ARRDC1: variants seen among roughly 807,000 people sequenced by gnomAD.
ARRDC1 encodes the protein arrestin domain-containing protein 1.
A neutral mutation model predicts 40.1 loss-of-function variants in ARRDC1; 37 were observed. That is an observed-to-expected ratio of 0.92 (90% CI 0.71 to 1.21). The LOEUF (loss-of-function observed/expected upper bound fraction) is 1.21, where lower values mean the gene tolerates loss of function less well. Ranked by LOEUF, ARRDC1 falls within the 50% of genes most tolerant of loss-of-function variation. ARRDC1 has a pLI of 0.00. For synonymous variants in ARRDC1, 310 were observed against 262.5 expected, an observed-to-expected ratio of 1.18 and a Z score of -1.75; for missense variants, 641 against 581.9, an observed-to-expected ratio of 1.10 and a Z score of -1.04.
intron 1 of ARRDC1, among the ~76,000 whole-genome samples, chr9:137,608,153 G>A (rs1564498871): frequency 1.3e-5 from 2 of 151,890 alleles, no homozygotes; most frequent in Admixed American, 6.6e-5. Context: ...CGGCTAATTT[G>A]TGTATTTTTA....
At chr9:137,613,950 C>T (rs1842596580) in intron 4 of ARRDC1, 82 bp from the exon 5 acceptor site, 1 of 1,571,236 alleles carries the variant, frequency 6.4e-7, no homozygotes, top group African/African-American at 1.3e-5. Flanking sequence ...CAGGGCGTGG[C>T]AGGGCTGAGG....
chr9:137,615,271 C>A lies in ARRDC1; in HGVS notation c.*133C>A. Reference sequence around the variant, plus strand: ...AGCCTCTGCCAGCTCCTCTGGCATCCGCCCTCTTCTCCCTGGGGCTGGGGT... The same window carrying A: ...AGCCTCTGCCAGCTCCTCTGGCATCAGCCCTCTTCTCCCTGGGGCTGGGGT... On this transcript the variant is annotated 3_prime_UTR_variant, in exon 8 of 8. Transcript: ENST00000371421. The A allele has an allele frequency of 1.2e-6, 1 of 852,832 alleles. No homozygotes were observed. The highest frequency in any genetic ancestry group is 1.7e-6 in the Non-Finnish European group (1 of 590,206). The allele number at this position is 852,832 out of a possible 1,614,324, so 52.8% of individuals were successfully genotyped here.
chr9:137,610,250 G>C (rs1202718759), intron 1 of ARRDC1, among the ~76,000 whole-genome samples: 1 of 152,192 alleles, frequency 6.6e-6, no homozygotes, highest in Non-Finnish European at 1.5e-5. Context: ...ACAGCGTTGT[G>C]GGTTAGGAAT....
intron 5 of ARRDC1, 39 bp from the exon 6 acceptor site, chr9:137,614,260 T>A (rs1257927325): frequency 6.3e-7 from 1 of 1,576,778 alleles, no homozygotes; most frequent in South Asian, 1.2e-5. Context: ...TGGGGTGGGC[T>A]GGCAGCCTGC....
chr9:137,611,160 G>A (rs1842509075), intron 1 of ARRDC1, among the ~76,000 whole-genome samples: 1 of 152,214 alleles, frequency 6.6e-6, no homozygotes, highest in Non-Finnish European at 1.5e-5. Flanking sequence ...GCTGTCTGCT[G>A]GTCCACAGGA....
chr9:137,610,505 C>T (rs902803456), intron 1 of ARRDC1, among the ~76,000 whole-genome samples: 7 of 152,202 alleles, frequency 4.6e-5, no homozygotes, highest in South Asian at 2.1e-4. Flanking sequence ...AAGTGATCCT[C>T]ATGCCTCAGC....
chr9:137,605,896 A>C (rs112163118), intron 1 of ARRDC1, 61 bp downstream of exon 1: 1 of 1,069,706 alleles, frequency 9.3e-7, no homozygotes, highest in Non-Finnish European at 1.2e-6. Flanking sequence ...GGGCTCCCGG[A>C]AGCGGCTGCC....
At position 137,614,338 on chromosome 9, in the gene ARRDC1, C is replaced by T. The variant is rs778750966; in HGVS notation, c.658C>T (p.Arg220Trp). 19 of 1,611,526 alleles carry T rather than the reference C, an allele frequency of 1.2e-5. No individual in the cohort carries two copies. Among genetic ancestry groups the T allele is most frequent in the Non-Finnish European group, 1.5e-5 (18 of 1,178,896 alleles). ...GGCCAAGCGCTGGATCCACGACGTA[C>T]GGACCATTGCGGAGGTGGAGGGTGC... The part of the protein sequence containing the change: ...YKAKRWIHDV[R>W]TIAEVEGAGV... The change falls in exon 6 of 8, where the codon CGG becomes TGG. Residue 220 changes from arginine to tryptophan, a missense_variant. Coordinates refer to ENST00000371421, the MANE Select transcript of ARRDC1 (RefSeq NM_152285.4).
intron 1 of ARRDC1, 36 bp from the exon 2 acceptor site, chr9:137,612,860 G>C (rs34684039): frequency 3.9e-6 from 6 of 1,551,692 alleles, no homozygotes; most frequent in Non-Finnish European, 4.4e-6. Flanking sequence ...CTGGGCCGTC[G>C]GCTGGCTGGG....
Position 137,606,273 on chromosome 9 carries a change from G to A in ARRDC1, c.118+438G>A, listed in dbSNP as rs576765861. 5.3e-3 allele frequency among the ~76,000 whole-genome samples: 811 copies of A among 152,214 alleles called. 10 individuals are homozygous for A. The highest frequency in any genetic ancestry group is 0.018 in the African/African-American group (767 of 41,562). Reference sequence around the variant, plus strand: ...CGGCTCCCTGCGCCCCCTGCCACCCGCCAGCAGGCCTCGCCGGCCCCCCGC... The same window carrying A: ...CGGCTCCCTGCGCCCCCTGCCACCCACCAGCAGGCCTCGCCGGCCCCCCGC... On this transcript the variant is annotated intron_variant, in intron 1 of 7. Coordinates refer to ENST00000371421, the MANE Select transcript of ARRDC1 (RefSeq NM_152285.4).
In ARRDC1 at chr9:137,613,796, G is replaced by A. The variant is rs760722271; in HGVS notation, c.435+27G>A. 3.7e-6 allele frequency: 6 copies of A among 1,612,872 alleles called. No homozygotes were observed. The South Asian group carries it at 6.6e-5, about 18-fold the overall frequency. On this transcript the variant is annotated intron_variant, in intron 4 of 7. Transcript: ENST00000371421. ...TGAGGATGGCACAGTGACCTCCTTGGTGGGTCCCCACCCTCATGGAGGCTG... is the reference window on the plus strand; with the variant it reads ...TGAGGATGGCACAGTGACCTCCTTGATGGGTCCCCACCCTCATGGAGGCTG...
intron 3 of ARRDC1, 44 bp from the exon 4 acceptor site, chr9:137,613,571 C>T: frequency 6.2e-7 from 1 of 1,614,084 alleles, no homozygotes. Flanking sequence ...GTGGGCTCTG[C>T]AGGGTGGAAG....
rs981167883 is a variant in ARRDC1 at position 137,614,349 on chromosome 9, G to A, written c.669G>A (p.Ala223=). Reference sequence around the variant, plus strand: ...GGATCCACGACGTACGGACCATTGCGGAGGTGGAGGGTGCGGGCGTCAAGG... The same window carrying A: ...GGATCCACGACGTACGGACCATTGCAGAGGTGGAGGGTGCGGGCGTCAAGG... ...KRWIHDVRTI[A]EVEGAGVKAW... The change falls in exon 6 of 8, where the codon GCG becomes GCA. Residue 223 remains alanine (A), a synonymous_variant. Coordinates refer to ENST00000371421, the MANE Select transcript of ARRDC1 (RefSeq NM_152285.4). 25 of 1,612,578 alleles carry A rather than the reference G, an allele frequency of 1.6e-5. No homozygotes were observed. Among genetic ancestry groups the A allele is most frequent in the African/African-American group, 6.7e-5 (5 of 74,914 alleles).
chr9:137,605,885 A>G (rs1351259173), intron 1 of ARRDC1, 50 bp downstream of exon 1: 40 of 1,126,004 alleles, frequency 3.6e-5, no homozygotes, highest in Non-Finnish European at 4.5e-5. Flanking sequence ...GCGCGGGGCC[A>G]GGGCTCCCGG....
intron 1 of ARRDC1, among the ~76,000 whole-genome samples, chr9:137,607,456 C>T (rs543245893): frequency 2.4e-4 from 37 of 152,318 alleles, no homozygotes; most frequent in African/African-American, 6.7e-4. Context: ...AAAGGGCTGA[C>T]GCGGAGGGAG....
chr9:137,615,099 C>G lies in ARRDC1; in HGVS notation c.1263C>G (p.Ser421Arg), dbSNP rs374533199. The change falls in exon 8 of 8, where the codon AGC becomes AGG. Residue 421 changes from serine (S) to arginine (R), a missense_variant. Transcript: ENST00000371421. Reference sequence around the variant, plus strand: ...AGGCCCCACCGTCTTATGAGCAGAGCTGCGGCGGCGTGGAACCCAGCCTGA... The same window carrying G: ...AGGCCCCACCGTCTTATGAGCAGAGGTGCGGCGGCGTGGAACCCAGCCTGA... ...PYEAPPSYEQ[S>R]CGGVEPSLTP... 1.9e-6 allele frequency: 3 copies of G among 1,567,938 alleles called. No individual in the cohort carries two copies. The highest frequency in any genetic ancestry group is 1.7e-6 in the Non-Finnish European group (2 of 1,154,040).
chr9:137,610,620 G>A (rs1379483790), intron 1 of ARRDC1, among the ~76,000 whole-genome samples: 3 of 149,262 alleles, frequency 2.0e-5, no homozygotes, highest in African/African-American at 7.4e-5. Flanking sequence ...CTGGAGTGCA[G>A]TGGCGCGATC....
chr9:137,606,611 G>C (rs1265262103), intron 1 of ARRDC1, among the ~76,000 whole-genome samples: 1 of 152,254 alleles, frequency 6.6e-6, no homozygotes, highest in Non-Finnish European at 1.5e-5. Context: ...AGCCTCCTGG[G>C]ACAGGTGATG....
intron 1 of ARRDC1, 189 bp from the exon 2 acceptor site, chr9:137,612,707 C>G (rs1288256969): frequency 1.4e-5 from 8 of 566,176 alleles, no homozygotes; most frequent in South Asian, 2.2e-5. Context: ...CTGCCTGATT[C>G]CCTTGGAGCC....
Sources: gnomAD v4.1 joint callset for allele counts (sites outside exome capture counted in the v4.1 genomes callset) on GRCh38, gnomAD v4.1.1 for gene constraint, MANE v1.5 for transcripts, NCBI Gene and HGNC (gene_info 2026-07-23, HGNC 2026-07-21) for gene names.